The following ADAMTS2 variants were observed in gnomAD, a reference collection of about 807,000 sequenced individuals.
ADAMTS2 encodes the protein A disintegrin and metalloproteinase with thrombospondin motifs 2.
Under a neutral mutation model 123.0 loss-of-function variants are expected in ADAMTS2, and 50 were observed. The ratio of observed to expected loss-of-function variants is 0.41; its 90% confidence interval spans 0.32 to 0.51. The LOEUF (loss-of-function observed/expected upper bound fraction) is 0.51. Among genes scored for constraint, ADAMTS2 ranks in the 20% least tolerant of loss-of-function variants. The probability of loss-of-function intolerance (pLI) is 0.35; values close to 1 mark genes in which losing one functional copy is unlikely to be tolerated. For missense variants in ADAMTS2, 1,494 were observed against 1,705.2 expected (o/e 0.88, Z 2.18); for synonymous variants, 678 against 695.4 (o/e 0.98, Z 0.39).
Position 179,143,270 on chromosome 5 carries a change from T to C in ADAMTS2, c.1630-3235A>G, listed in dbSNP as rs185117796. 6.0e-3 allele frequency among the ~76,000 whole-genome samples: 913 copies of C among 151,816 alleles called. 3 individuals carry two copies. The highest frequency in any genetic ancestry group is 0.02 in the Middle Eastern group (6 of 294). On this transcript the variant is annotated intron_variant, in intron 10 of 21. Transcript: ENST00000251582. ...CCAACATGGTGAAACCCTGTCTCTA[T>C]TAAAAATACAAAAATTAGCCAGGCA...
Position 179,345,434 on chromosome 5 carries a change from G to C in ADAMTS2, c.-106C>G. 2.0e-6 allele frequency: 2 copies of C among 979,038 alleles called. No homozygotes were observed. Among genetic ancestry groups the C allele is most frequent in the Non-Finnish European group, 2.5e-6 (2 of 811,312 alleles). The allele number at this position is 979,038 out of a possible 1,614,324, so 60.6% of individuals were successfully genotyped here. On this transcript the variant is annotated 5_prime_UTR_variant, in exon 1 of 22. Transcript: ENST00000251582. This position sits in a 1 kb window ranked among gnomAD's most constrained non-coding sequence, Gnocchi z 7.5. ...GCAGCTGGAGCCGCCCGCAGCTGCA[G>C]CACCGCAGGGCGCGGGGCGGAGGAG...
intron 10 of ADAMTS2, among the ~76,000 whole-genome samples, chr5:179,147,888 G>A (rs1373244145): frequency 6.6e-6 from 1 of 152,182 alleles, no homozygotes; most frequent in African/African-American, 2.4e-5. Flanking sequence ...TGTTAATCAA[G>A]TATGGTTAAA....
chr5:179,203,532 A>C (rs1167071551), intron 4 of ADAMTS2, among the ~76,000 whole-genome samples: 1 of 152,192 alleles, frequency 6.6e-6, no homozygotes, highest in Non-Finnish European at 1.5e-5. Flanking sequence ...TTGTGGTTCG[A>C]GGCCCCCATA....
At chr5:179,265,291 G>C (rs1294558881) in intron 3 of ADAMTS2, among the ~76,000 whole-genome samples, 1 of 152,210 alleles carries the variant, frequency 6.6e-6, no homozygotes, top group Non-Finnish European at 1.5e-5. Context: ...TTACCTGGTC[G>C]GCTCCACCCC....
At position 179,153,424 on chromosome 5, in the gene ADAMTS2, C is replaced by T; in HGVS notation, c.1515+67G>A. ...GCCGGTCCTCACACTGTCCCGGGAG[C>T]TGCCCCTACACCAGCACGCCTCCCC... On this transcript the variant is annotated intron_variant, in intron 9 of 21. Transcript: ENST00000251582. The T allele has an allele frequency of 2.5e-6, 4 of 1,595,638 alleles. No individual in the cohort carries two copies. In the South Asian group the frequency reaches 4.4e-5, roughly 18 times the overall value.
At position 179,189,274 on chromosome 5, in the gene ADAMTS2, A is replaced by G. The variant is rs1392019330; in HGVS notation, c.892-8119T>C. Among the ~76,000 whole-genome samples, 1 of 152,170 alleles carries G rather than the reference A, an allele frequency of 6.6e-6. No individual in the cohort carries two copies. Among genetic ancestry groups the G allele is most frequent in the African/African-American group, 2.4e-5 (1 of 41,422 alleles). On this transcript the variant is annotated intron_variant, in intron 4 of 21. Coordinates refer to ENST00000251582, the MANE Select transcript of ADAMTS2 (RefSeq NM_014244.5). This position sits in a 1 kb window ranked among gnomAD's most constrained non-coding sequence, Gnocchi z 4.2. Reference sequence around the variant, plus strand: ...CCTGGGTGCAGGTGGGCTGAGTCCAAAAAGAGAGTCAGCAAAGGGTGGTGG... The same window carrying G: ...CCTGGGTGCAGGTGGGCTGAGTCCAGAAAGAGAGTCAGCAAAGGGTGGTGG...
At chr5:179,276,570 C>A (rs531275270) in intron 2 of ADAMTS2, among the ~76,000 whole-genome samples, 1 of 152,238 alleles carries the variant, frequency 6.6e-6, no homozygotes, top group Admixed American at 6.5e-5. Context: ...CTGGGAGACA[C>A]TGAGAACCAG....
chr5:179,153,390 C>T, intron 9 of ADAMTS2, 101 bp downstream of exon 9: 1 of 1,563,300 alleles, frequency 6.4e-7, no homozygotes, highest in Non-Finnish European at 8.6e-7. Context: ...TCTGCCCTCC[C>T]CACACTGGGC....
rs539336218 is a variant in ADAMTS2, at chr5:179,242,320, T to A, written c.688+30591A>T. On this transcript the variant is annotated intron_variant, in intron 3 of 21. Coordinates refer to ENST00000251582, the MANE Select transcript of ADAMTS2 (RefSeq NM_014244.5). The surrounding 1 kb of genome is among the most constrained non-coding windows in gnomAD (Gnocchi z 4.2). ...TCTCCTTTTCTTGGCTTAATTGGAT[T>A]TGGATCTCTAATTATACCTTGAATG... Among the ~76,000 whole-genome samples, 1 of 152,252 alleles carries A rather than the reference T, an allele frequency of 6.6e-6. No individual in the cohort carries two copies. The highest frequency in any genetic ancestry group is 1.9e-4 in the East Asian group (1 of 5,178).
intron 2 of ADAMTS2, among the ~76,000 whole-genome samples, chr5:179,282,038 C>T (rs768718614): frequency 3.3e-5 from 5 of 152,184 alleles, no homozygotes; most frequent in African/African-American, 1.2e-4. Context: ...ATATTCTAGA[C>T]ACAAATCCCT....
chr5:179,273,212 C>T lies in ADAMTS2; in HGVS notation c.535-148G>A, dbSNP rs955319236. ...TGCTCAGCTTGAACCCTGGGCTGGC[C>T]GGAGGGTATGAACATGTGGTCCCAG... On this transcript the variant is annotated intron_variant, in intron 2 of 21. Transcript: ENST00000251582. The T allele has an allele frequency of 9.0e-5, 117 of 1,298,210 alleles. 1 individual carries two copies. Among genetic ancestry groups the T allele is most frequent in the South Asian group, 6.9e-4 (57 of 82,830 alleles). 80.4% of individuals were successfully genotyped at this position (1,298,210 alleles called of 1,614,324 possible). A position where few individuals can be genotyped will look rare whatever the true frequency, so the allele number is the denominator to read the frequency against.
rs997024944 is a variant in ADAMTS2, at chr5:179,260,928, C to T, written c.688+11983G>A. On this transcript the variant is annotated intron_variant, in intron 3 of 21. Coordinates refer to ENST00000251582, the MANE Select transcript of ADAMTS2 (RefSeq NM_014244.5). The surrounding 1 kb of genome is among the most constrained non-coding windows in gnomAD (Gnocchi z 4.2). ...GGACTACCGTGCCTATTAAATGACA[C>T]CATGAAGAGTGCCCACCTTCGCGCA... Among the ~76,000 whole-genome samples the T allele has an allele frequency of 6.6e-6, 1 of 152,136 alleles. No individual in the cohort carries two copies. The highest frequency in any genetic ancestry group is 1.5e-5 in the Non-Finnish European group (1 of 68,046).
chr5:179,144,242 G>A (rs530384651), intron 10 of ADAMTS2, among the ~76,000 whole-genome samples: 7 of 152,204 alleles, frequency 4.6e-5, no homozygotes, highest in South Asian at 4.1e-4. Context: ...AATGCAAAAC[G>A]TGTCCACTAA....
intron 2 of ADAMTS2, among the ~76,000 whole-genome samples, chr5:179,281,639 G>A (rs78190819): frequency 0.02 from 3,082 of 152,298 alleles, 60 homozygotes; most frequent in Admixed American, 0.047. Context: ...GCATAATGCT[G>A]CTATGAACAT....
chr5:179,267,003 T>C (rs985535265), intron 3 of ADAMTS2, among the ~76,000 whole-genome samples: 4 of 152,096 alleles, frequency 2.6e-5, no homozygotes, highest in Non-Finnish European at 2.9e-5. Flanking sequence ...GAGGGCGCCA[T>C]CCCCACCTTG....
chr5:179,169,825 C>T (rs959576501), intron 5 of ADAMTS2, among the ~76,000 whole-genome samples: 1 of 152,242 alleles, frequency 6.6e-6, no homozygotes, highest in South Asian at 2.1e-4. Context: ...AGACCTTTCA[C>T]CTCCAATGCT....
At chr5:179,218,933 G>T (rs182379614) in intron 3 of ADAMTS2, among the ~76,000 whole-genome samples, 8 of 152,304 alleles carry the variant, frequency 5.3e-5, no homozygotes, top group Admixed American at 4.6e-4. Flanking sequence ...GGCCTGCCCA[G>T]CACCTGCACA....
intron 8 of ADAMTS2, 103 bp downstream of exon 8, chr5:179,153,946 T>G: frequency 6.8e-7 from 1 of 1,467,356 alleles, no homozygotes. Flanking sequence ...TTAGAGGACC[T>G]GAGGTCGGAG....
At position 179,319,565 on chromosome 5, in the gene ADAMTS2, G is replaced by T. The variant is rs1420782510; in HGVS notation, c.534+24202C>A. ...ATGCACTCACTCACACCCTCCTGCT[G>T]CTCCCAGCCTCACTGCCTGCTTGCT... is the stretch of plus-strand genomic sequence containing the variant. On this transcript the variant is annotated intron_variant, in intron 2 of 21. Transcript: ENST00000251582. Among the ~76,000 whole-genome samples the T allele has an allele frequency of 2.0e-5, 3 of 151,942 alleles. No homozygotes were observed. The East Asian group carries it at 5.8e-4, about 30-fold the overall frequency.
Sources: allele counts gnomAD v4.1 joint callset (sites outside exome capture counted in the v4.1 genomes callset), GRCh38; gene constraint gnomAD v4.1.1; non-coding constraint Gnocchi (gnomAD v3.1); transcripts MANE v1.5; gene names NCBI Gene and HGNC (gene_info 2026-07-23, HGNC 2026-07-21).